Variants in SMIM13 observed in about 807,000 individuals in gnomAD.
SMIM13 encodes small integral membrane protein 13, also known as UPF0766 protein C6orf228.
In SMIM13, 3 loss-of-function variants were observed where a neutral mutation model predicts 5.9. That is an observed-to-expected ratio of 0.51 (90% CI 0.23 to 1.31). The LOEUF is 1.31. Among genes scored for constraint, SMIM13 ranks in the 40% most tolerant of loss-of-function variants. The pLI, the probability that SMIM13 is intolerant of heterozygous loss-of-function variation, is 0.18. For synonymous variants in SMIM13, 55 were observed against 46.0 expected (o/e 1.19, Z -0.79); for missense variants, 85 against 109.9 (o/e 0.77, Z 1.01).
intron 1 of SMIM13, among the ~76,000 whole-genome samples, chr6:11,095,763 T>C (rs1366935728): frequency 6.6e-6 from 1 of 152,248 alleles, no homozygotes; most frequent in Non-Finnish European, 1.5e-5. Flanking sequence ...CTTTCTCAAT[T>C]TTCTGCTTGT....
chr6:11,097,271 G>C (rs919342448), intron 1 of SMIM13, among the ~76,000 whole-genome samples: 4 of 152,200 alleles, frequency 2.6e-5, no homozygotes, highest in Non-Finnish European at 5.9e-5. Flanking sequence ...TCTCTCCTTT[G>C]TGTGTTCTAA....
At chr6:11,128,859 C>T (rs1273362520) in intron 1 of SMIM13, among the ~76,000 whole-genome samples, 6 of 152,050 alleles carry the variant, frequency 3.9e-5, no homozygotes, top group African/African-American at 1.2e-4. Context: ...CTGTCCCTCC[C>T]CCAGGCATAC....
intron 1 of SMIM13, among the ~76,000 whole-genome samples, chr6:11,117,798 G>A (rs1177105347): frequency 2.7e-5 from 4 of 150,752 alleles, no homozygotes; most frequent in African/African-American, 9.8e-5. Context: ...CACCCAGGCT[G>A]GAGTGCAGTG....
In SMIM13 at chr6:11,115,962, C is replaced by T. The variant is rs960576770; in HGVS notation, c.77-18441C>T. Among the ~76,000 whole-genome samples the T allele has an allele frequency of 4.8e-5, 7 of 146,846 alleles. No homozygotes were observed. In the East Asian group the frequency reaches 6.3e-4, roughly 13 times the overall value. ...TCGGCCTCCCAAAGTGCTGGGATTA[C>T]GGGCGTGAGCCACCATGCCCTGCCG... is the stretch of plus-strand genomic sequence containing the variant. On this transcript the variant is annotated intron_variant, in intron 1 of 1. Transcript: ENST00000416247.
chr6:11,103,741 G>C, intron 1 of SMIM13: 1 of 1,551,658 alleles, frequency 6.4e-7, no homozygotes, highest in Non-Finnish European at 8.7e-7. Flanking sequence ...CCTGCACTGA[G>C]ATTCGTCTGG....
In SMIM13 at chr6:11,134,401, AG is replaced by A. The variant is rs1193495302; in HGVS notation, c.77del. 1 of 1,549,444 alleles carries A rather than the reference AG, an allele frequency of 6.5e-7. No individual in the cohort carries two copies. Among genetic ancestry groups the A allele is most frequent in the Admixed American group, 2.0e-5 (1 of 50,660 alleles). ...TCTTAATGTTTTTGTCTTTCTCTGT[AG>A]GTTGGTATTTTGTATGGCATCTTTT... On this transcript the variant is annotated splice_acceptor_variant, in intron 1 of 1. Transcript: ENST00000416247. LOFTEE classifies it high-confidence loss of function.
intron 1 of SMIM13, among the ~76,000 whole-genome samples, chr6:11,118,099 G>T (rs1221744010): frequency 6.6e-6 from 1 of 152,198 alleles, no homozygotes; most frequent in Non-Finnish European, 1.5e-5. Context: ...TCGAACTCCT[G>T]ACCTCAGGTC....
intron 1 of SMIM13, among the ~76,000 whole-genome samples, chr6:11,130,932 G>A (rs10484446): frequency 0.15 from 22,149 of 152,006 alleles, 1,797 homozygotes; most frequent in Non-Finnish European, 0.18. Context: ...TTTATACATT[G>A]TAGCCACTGT....
intron 1 of SMIM13, among the ~76,000 whole-genome samples, chr6:11,121,595 A>G (rs1758310477): frequency 6.6e-6 from 1 of 152,128 alleles, no homozygotes; most frequent in Admixed American, 6.5e-5. Flanking sequence ...ACCTGCATAC[A>G]CACCCCTCTG....
At chr6:11,116,996 T>C (rs1404492867) in intron 1 of SMIM13, among the ~76,000 whole-genome samples, 6 of 123,598 alleles carry the variant, frequency 4.9e-5, no homozygotes, top group Non-Finnish European at 8.5e-5. Flanking sequence ...TTTTTTTTTT[T>C]TTTTTTTTTT....
chr6:11,117,320 C>G (rs900846387), intron 1 of SMIM13, among the ~76,000 whole-genome samples: 138 of 142,586 alleles, frequency 9.7e-4, no homozygotes, highest in Middle Eastern at 6.9e-3. Flanking sequence ...CCCGCCACTA[C>G]GCCCGGCTAA....
intron 1 of SMIM13, among the ~76,000 whole-genome samples, chr6:11,122,938 G>A (rs1402104307): frequency 6.6e-6 from 1 of 152,106 alleles, no homozygotes; most frequent in Non-Finnish European, 1.5e-5. Context: ...GCTGGGAGTG[G>A]CAGCTCACAC....
At chr6:11,098,857 A>T (rs1757957226) in intron 1 of SMIM13, among the ~76,000 whole-genome samples, 1 of 152,184 alleles carries the variant, frequency 6.6e-6, no homozygotes, top group South Asian at 2.1e-4. Flanking sequence ...CACAACCTAC[A>T]ATAGAAAATA....
intron 1 of SMIM13, among the ~76,000 whole-genome samples, chr6:11,120,291 GC>G (rs1561757886): frequency 1.3e-5 from 2 of 152,152 alleles, no homozygotes; most frequent in African/African-American, 4.8e-5. Flanking sequence ...AGACCAGGTG[GC>G]TTATAAACAA....
rs1451341639 is a variant in SMIM13 at position 11,136,377 on chromosome 6, G to A, written c.*1775G>A. On this transcript the variant is annotated 3_prime_UTR_variant, in exon 2 of 2. Coordinates refer to ENST00000416247, the MANE Select transcript of SMIM13 (RefSeq NM_001135575.2). ...GTTACCTGCTTTGTACAAGAATGAA[G>A]TGCAAAGCCAACTTACTTTATTAAT... 1 of 152,148 alleles carries A rather than the reference G, an allele frequency of 6.6e-6. No homozygotes were observed. Among genetic ancestry groups the A allele is most frequent in the East Asian group, 1.9e-4 (1 of 5,190 alleles). The allele number at this position is 152,148 out of a possible 1,614,324, so 9.4% of individuals were successfully genotyped here.
At chr6:11,101,174 C>A (rs1035235182) in intron 1 of SMIM13, among the ~76,000 whole-genome samples, 2 of 151,712 alleles carry the variant, frequency 1.3e-5, no homozygotes, top group Admixed American at 6.6e-5. Context: ...GCTTTATCTT[C>A]TGTCTCTTAA....
At chr6:11,104,924 G>C in intron 1 of SMIM13, 1 of 1,614,052 alleles carries the variant, frequency 6.2e-7, no homozygotes, top group Non-Finnish European at 8.5e-7. Context: ...TTTTCCTTTT[G>C]GCCATAACAC....
At chr6:11,102,770 C>G (rs1363075066) in intron 1 of SMIM13, 1 of 152,176 alleles carries the variant, frequency 6.6e-6, no homozygotes, top group Non-Finnish European at 1.5e-5. Context: ...AGCAGCAAAT[C>G]CAATGGGTCT....
At chr6:11,134,323 A>G (rs754003938) in intron 1 of SMIM13, 80 bp from the exon 2 acceptor site, 79 of 925,676 alleles carry the variant, frequency 8.5e-5, no homozygotes, top group Non-Finnish European at 1.3e-4. Context: ...TTTGTAATAT[A>G]CCCCCCATTA....
Sources: gnomAD v4.1 joint callset for allele counts (sites outside exome capture counted in the v4.1 genomes callset) on GRCh38, gnomAD v4.1.1 for gene constraint, MANE v1.5 for transcripts, NCBI Gene and HGNC (gene_info 2026-07-23, HGNC 2026-07-21) for gene names.